TBX4: variants seen among roughly 807,000 people sequenced by gnomAD.
TBX4 encodes T-box transcription factor TBX4.
TBX4 carries 13 observed loss-of-function variants against 54.6 expected under a neutral mutation model. The ratio of observed to expected loss-of-function variants is 0.24; its 90% CI spans 0.15 to 0.38. The LOEUF is 0.38. Among genes scored for constraint, TBX4 ranks in the 10% least tolerant of loss-of-function variants. The pLI is 1.00. For missense variants in TBX4, 631 were observed against 728.5 expected (o/e 0.87, Z 1.54); for synonymous variants, 314 against 306.7 (o/e 1.02, Z -0.25).
chr17:61,467,749 C>T (rs773146467), intron 5 of TBX4, 92 bp downstream of exon 5: 136 of 1,517,572 alleles, frequency 9.0e-5, no homozygotes, highest in Non-Finnish European at 1.2e-4. Context: ...GAATCCACTC[C>T]GGGATCCAGC....
chr17:61,471,775 G>T (rs546148750), intron 5 of TBX4, among the ~76,000 whole-genome samples: 3 of 152,058 alleles, frequency 2.0e-5, no homozygotes, highest in African/African-American at 7.2e-5. Context: ...GCCCAGGCTG[G>T]AGTGCAATGG....
At chr17:61,477,941 C>CAAAAA (rs10617980) in intron 5 of TBX4, among the ~76,000 whole-genome samples, 77 of 88,552 alleles carry the variant, frequency 8.7e-4, no homozygotes, top group African/African-American at 1.3e-3. Flanking sequence ...GATTCCATCT[C>CAAAAA]AAAAAAAAAA....
intron 4 of TBX4, among the ~76,000 whole-genome samples, chr17:61,466,601 C>T (rs2060539011): frequency 6.6e-6 from 1 of 152,244 alleles, no homozygotes; most frequent in Non-Finnish European, 1.5e-5. Flanking sequence ...GAGCGAGCAG[C>T]CAGCCAGGAC....
rs1225045745 is a variant in TBX4 at position 61,456,523 on chromosome 17, G to A, written c.33G>A (p.Glu11=). 9 of 1,566,598 alleles carry A rather than the reference G, an allele frequency of 5.7e-6. No homozygotes were observed. The highest frequency in any genetic ancestry group is 1.7e-4 in the Middle Eastern group (1 of 5,854). ...AGGATAAGGGCCTGTCCGAGAGCGA[G>A]GAGGCCTTCCGGGCCCCGGGCCCAG... MLQDKGLSES[E]EAFRAPGPAL... Residue 11 remains glutamate (E), a synonymous_variant, in exon 2 of 9, where the codon GAG becomes GAA. Transcript: ENST00000644296.
In TBX4 at chr17:61,457,563, G is replaced by A; in HGVS notation, c.213G>A (p.Leu71=). ...CCATCGAGAACATCAAGGTGGGGCT[G>A]CATGAGAAGGAGCTCTGGAAGAAGT... ...EQTIENIKVG[L]HEKELWKKFH... Residue 71 remains leucine, a synonymous_variant, in exon 3 of 9, where the codon CTG becomes CTA. Coordinates refer to ENST00000644296, the MANE Select transcript of TBX4 (RefSeq NM_001321120.2). This position sits in a 1 kb window ranked among gnomAD's most constrained non-coding sequence, Gnocchi z 8.2. 6.2e-7 allele frequency: 1 copy of A among 1,613,962 alleles called. No homozygotes were observed. The highest frequency in any genetic ancestry group is 8.5e-7 in the Non-Finnish European group (1 of 1,179,970).
rs1234136091 is a variant in TBX4, at chr17:61,462,621, C to T, written c.282-3198C>T. On this transcript the variant is annotated intron_variant, in intron 3 of 8. Coordinates refer to ENST00000644296, the MANE Select transcript of TBX4 (RefSeq NM_001321120.2). The surrounding 1 kb of genome is among the most constrained non-coding windows in gnomAD (Gnocchi z 4.5). ...ACCCAGAGGTAGAGCGCAGAGTGCCCGGGACAGGCGGGCTTCACCGCCAGC... is the reference window on the plus strand; with the variant it reads ...ACCCAGAGGTAGAGCGCAGAGTGCCTGGGACAGGCGGGCTTCACCGCCAGC... Among the ~76,000 whole-genome samples, 1 of 152,076 alleles carries T rather than the reference C, an allele frequency of 6.6e-6. No homozygotes were observed. The highest frequency in any genetic ancestry group is 1.5e-5 in the Non-Finnish European group (1 of 67,998).
In TBX4 at chr17:61,462,641, G is replaced by A. The variant is rs960599210; in HGVS notation, c.282-3178G>A. Among the ~76,000 whole-genome samples, 1 of 152,178 alleles carries A rather than the reference G, an allele frequency of 6.6e-6. No homozygotes were observed. Among genetic ancestry groups the A allele is most frequent in the Non-Finnish European group, 1.5e-5 (1 of 68,002 alleles). ...GTGCCCGGGACAGGCGGGCTTCACCGCCAGCGCTGGTGGCAGGGCCTGCGT... is the reference window on the plus strand; with the variant it reads ...GTGCCCGGGACAGGCGGGCTTCACCACCAGCGCTGGTGGCAGGGCCTGCGT... On this transcript the variant is annotated intron_variant, in intron 3 of 8. Transcript: ENST00000644296. The surrounding 1 kb of genome is among the most constrained non-coding windows in gnomAD (Gnocchi z 4.5).
chr17:61,453,176 C>G (rs1316544550), intron 1 of TBX4, among the ~76,000 whole-genome samples: 1 of 152,204 alleles, frequency 6.6e-6, no homozygotes, highest in African/African-American at 2.4e-5. Context: ...ATCATAGTCA[C>G]TTTCAGAATC....
intron 5 of TBX4, among the ~76,000 whole-genome samples, chr17:61,470,994 T>C (rs2143834351): frequency 6.6e-6 from 1 of 152,338 alleles, no homozygotes; most frequent in East Asian, 1.9e-4. Flanking sequence ...CATGCAGGTA[T>C]CCCAGATTGC....
rs1295614955 is a variant in TBX4, at chr17:61,480,857, G to C, written c.1021+538G>C. Among the ~76,000 whole-genome samples, 5 of 152,214 alleles carry C rather than the reference G, an allele frequency of 3.3e-5. No homozygotes were observed. The highest frequency in any genetic ancestry group is 3.3e-4 in the Admixed American group (5 of 15,278). ...GTGGGGGCTGGGAAGACAAGCCACAGCACCCTCTGTGCCAGGCCTCTTCGT... is the reference window on the plus strand; with the variant it reads ...GTGGGGGCTGGGAAGACAAGCCACACCACCCTCTGTGCCAGGCCTCTTCGT... On this transcript the variant is annotated intron_variant, in intron 8 of 8. Coordinates refer to ENST00000644296, the MANE Select transcript of TBX4 (RefSeq NM_001321120.2). The surrounding 1 kb of genome is among the most constrained non-coding windows in gnomAD (Gnocchi z 6.2).
chr17:61,470,219 C>A (rs1465439923), intron 5 of TBX4, among the ~76,000 whole-genome samples: 1 of 152,210 alleles, frequency 6.6e-6, no homozygotes, highest in Non-Finnish European at 1.5e-5. Flanking sequence ...ATTTCCTCAT[C>A]CCAGGAGATG....
chr17:61,469,219 C>T (rs1252065550), intron 5 of TBX4, among the ~76,000 whole-genome samples: 1 of 152,204 alleles, frequency 6.6e-6, no homozygotes, highest in African/African-American at 2.4e-5. Context: ...GGCTGGAAAG[C>T]TGCGCCTTCT....
chr17:61,460,624 A>G lies in TBX4; in HGVS notation c.281+2993A>G, dbSNP rs762272242. Among the ~76,000 whole-genome samples, 12 of 152,138 alleles carry G rather than the reference A, an allele frequency of 7.9e-5. No individual in the cohort carries two copies. The highest frequency in any genetic ancestry group is 3.2e-3 in the Middle Eastern group (1 of 316). ...CTCTGTGTCCAGAGGGTTCGTGCTGATAGCCGCAGACAGCAGATCCCTCTC... is the reference window on the plus strand; with the variant it reads ...CTCTGTGTCCAGAGGGTTCGTGCTGGTAGCCGCAGACAGCAGATCCCTCTC... On this transcript the variant is annotated intron_variant, in intron 3 of 8. Coordinates refer to ENST00000644296, the MANE Select transcript of TBX4 (RefSeq NM_001321120.2). The surrounding 1 kb of genome is among the most constrained non-coding windows in gnomAD (Gnocchi z 4.4).
chr17:61,478,586 G>A lies in TBX4; in HGVS notation c.550-41G>A. 6.2e-7 allele frequency: 1 copy of A among 1,614,116 alleles called. No homozygotes were observed. The highest frequency in any genetic ancestry group is 1.1e-5 in the South Asian group (1 of 91,084). On this transcript the variant is annotated intron_variant, in intron 5 of 8. Transcript: ENST00000644296. The surrounding 1 kb of genome is among the most constrained non-coding windows in gnomAD (Gnocchi z 7.4). ...TGAGGTCAAGGGCCTGGGGCTTGCG[G>A]ATGGGGACCTGGAGCTCAGCATGAG...
rs185669746 is a variant in TBX4, at chr17:61,459,222, C to T, written c.281+1591C>T. Among the ~76,000 whole-genome samples, 101 of 152,326 alleles carry T rather than the reference C, an allele frequency of 6.6e-4. 1 individual carries two copies. In the Middle Eastern group the frequency reaches 0.01, roughly 15 times the overall value. On this transcript the variant is annotated intron_variant, in intron 3 of 8. Coordinates refer to ENST00000644296, the MANE Select transcript of TBX4 (RefSeq NM_001321120.2). The surrounding 1 kb of genome is among the most constrained non-coding windows in gnomAD (Gnocchi z 4.8). ...CCCTGCCTCTTTCTGGCTGAGTGTA[C>T]TTGGGCAAGTCACAGTCTCCTTGTA...
intron 5 of TBX4, among the ~76,000 whole-genome samples, chr17:61,468,192 T>C (rs558521993): frequency 6.6e-6 from 1 of 152,338 alleles, no homozygotes; most frequent in East Asian, 1.9e-4. Context: ...GAAAAGACCT[T>C]GCTCTGGCTC....
rs1195450816 is a variant in TBX4 at position 61,472,523 on chromosome 17, T to C, written c.549+4866T>C. Reference sequence around the variant, plus strand: ...TAGGAACTCTTATAAATTAGGAGGATGTAGCTCTTATCTGTGATGAGTTAC... The same window carrying C: ...TAGGAACTCTTATAAATTAGGAGGACGTAGCTCTTATCTGTGATGAGTTAC... On this transcript the variant is annotated intron_variant, in intron 5 of 8. Coordinates refer to ENST00000644296, the MANE Select transcript of TBX4 (RefSeq NM_001321120.2). The surrounding 1 kb of genome is among the most constrained non-coding windows in gnomAD (Gnocchi z 4.5). 6.6e-6 allele frequency among the ~76,000 whole-genome samples: 1 copy of C among 152,256 alleles called. No individual in the cohort carries two copies. Among genetic ancestry groups the C allele is most frequent in the Admixed American group, 6.5e-5 (1 of 15,292 alleles).
At position 61,475,041 on chromosome 17, in the gene TBX4, G is replaced by A. The variant is rs2060609978; in HGVS notation, c.550-3586G>A. Among the ~76,000 whole-genome samples, 1 of 152,234 alleles carries A rather than the reference G, an allele frequency of 6.6e-6. No individual in the cohort carries two copies. The highest frequency in any genetic ancestry group is 2.4e-5 in the African/African-American group (1 of 41,454). Reference sequence around the variant, plus strand: ...GCTCAGGACTTGACGCTGGTGAACAGAGATCATGACGGCGTCTGCACCCTT... The same window carrying A: ...GCTCAGGACTTGACGCTGGTGAACAAAGATCATGACGGCGTCTGCACCCTT... On this transcript the variant is annotated intron_variant, in intron 5 of 8. Coordinates refer to ENST00000644296, the MANE Select transcript of TBX4 (RefSeq NM_001321120.2). The surrounding 1 kb of genome is among the most constrained non-coding windows in gnomAD (Gnocchi z 5.0).
Position 61,480,362 on chromosome 17 carries a change from C to A in TBX4, c.1021+43C>A. On this transcript the variant is annotated intron_variant, in intron 8 of 8. Coordinates refer to ENST00000644296, the MANE Select transcript of TBX4 (RefSeq NM_001321120.2). The surrounding 1 kb of genome is among the most constrained non-coding windows in gnomAD (Gnocchi z 6.2). The stretch of plus-strand genomic sequence containing the variant: ...TAGAAGCCCTAGAGGGTAAGAGGAG[C>A]GGTGAGGTTCTCCCCGAAACCACTC... The A allele has an allele frequency of 2.0e-6, 3 of 1,494,412 alleles. No individual in the cohort carries two copies. The highest frequency in any genetic ancestry group is 2.4e-5 in the East Asian group (1 of 41,710). 92.6% of individuals were successfully genotyped at this position (1,494,412 alleles called of 1,614,324 possible).
Sources: gnomAD v4.1 joint callset for allele counts (sites outside exome capture counted in the v4.1 genomes callset) on GRCh38, gnomAD v4.1.1 for gene constraint, Gnocchi (gnomAD v3.1) non-coding constraint, MANE v1.5 for transcripts, NCBI Gene and HGNC (gene_info 2026-07-23, HGNC 2026-07-21) for gene names.